Variants in HM13 observed in about 807,000 individuals in gnomAD.
HM13 encodes histocompatibility minor 13, also known as signal peptide peptidase.
Under a neutral mutation model 50.0 loss-of-function variants are expected in HM13, and 18 were observed. The ratio of observed to expected loss-of-function variants is 0.36; its 90% confidence interval spans 0.25 to 0.53. The LOEUF (loss-of-function observed/expected upper bound fraction) is 0.53. Among genes scored for constraint, HM13 ranks in the 20% least tolerant of loss-of-function variants. The pLI is 0.90. For synonymous variants in HM13, 197 were observed against 232.6 expected (o/e 0.85, Z 1.39); for missense variants, 393 against 552.4 (o/e 0.71, Z 2.89).
In HM13 at chr20:31,566,309, G is replaced by A. The variant is rs751071060; in HGVS notation, c.1034+14G>A. The A allele has an allele frequency of 3.1e-6, 5 of 1,605,836 alleles. No individual in the cohort carries two copies. The East Asian group carries it at 1.1e-4, about 36-fold the overall frequency. The stretch of plus-strand genomic sequence containing the variant: ...AGAGATGTTCAGGTAAGGCAGAGTG[G>A]GGGGCAGATGTCCTCATGGGCACCA... On this transcript the variant is annotated intron_variant, in intron 11 of 12. Coordinates refer to ENST00000398174, the MANE Select transcript of HM13 (RefSeq NM_178581.3).
chr20:31,560,685 C>T (rs1183386100), intron 9 of HM13, among the ~76,000 whole-genome samples: 1 of 152,234 alleles, frequency 6.6e-6, no homozygotes, highest in Non-Finnish European at 1.5e-5. Context: ...CTGCCAGCAC[C>T]CTCAGAGACA....
chr20:31,543,398 G>C (rs569735017), intron 3 of HM13, among the ~76,000 whole-genome samples: 1 of 152,232 alleles, frequency 6.6e-6, no homozygotes, highest in South Asian at 2.1e-4. Context: ...CAATTCTCCT[G>C]CCTCAGGCTC....
intron 9 of HM13, 87 bp from the exon 10 acceptor site, chr20:31,561,547 G>GGTCTT (rs1600668247): frequency 2.2e-6 from 2 of 924,854 alleles, no homozygotes; most frequent in Non-Finnish European, 3.6e-6. Flanking sequence ...CAACCTCTAG[G>GGTCTT]GTCTTCCCCA....
chr20:31,548,638 G>A (rs1341743688), intron 4 of HM13: 1 of 273,524 alleles, frequency 3.7e-6, no homozygotes, highest in African/African-American at 2.2e-5. Context: ...TTCCCCCACA[G>A]CAGCCCTAAG....
intron 1 of HM13, among the ~76,000 whole-genome samples, chr20:31,522,285 G>A (rs983114548): frequency 3.3e-5 from 5 of 151,980 alleles, no homozygotes; most frequent in East Asian, 1.9e-4. Flanking sequence ...TCCTCAAGCC[G>A]GGCATGGTGG....
chr20:31,539,924 T>G (rs11699147), intron 3 of HM13: 14,253 of 152,244 alleles, frequency 0.094, 793 homozygotes, highest in East Asian at 0.28. Flanking sequence ...CTGCCAGCTC[T>G]AATATGTGTA....
chr20:31,550,786 TG>T (rs1247478393), intron 7 of HM13, among the ~76,000 whole-genome samples: 7 of 152,178 alleles, frequency 4.6e-5, no homozygotes, highest in African/African-American at 1.4e-4. Flanking sequence ...AAGACCAGCC[TG>T]GGTAACAGCA....
intron 4 of HM13, chr20:31,547,510 A>C: frequency 1.4e-6 from 1 of 731,932 alleles, no homozygotes; most frequent in Non-Finnish European, 2.4e-6. Flanking sequence ...GATCATGTTC[A>C]AGAAGTTTGA....
Position 31,569,001 on chromosome 20 carries a change from A to G in HM13, c.1182-119A>G, listed in dbSNP as rs999768910. On this transcript the variant is annotated intron_variant, in intron 12 of 12. Transcript: ENST00000398174. ...GTGCTGGGCAGTGGACACAGGGCTG[A>G]CGCTCTGCATGTGACCAGGCGCTTT... The G allele has an allele frequency of 2.2e-5, 15 of 673,074 alleles. No individual in the cohort carries two copies. The African/African-American group carries it at 2.4e-4, about 11-fold the overall frequency. 41.7% of individuals were successfully genotyped at this position (673,074 alleles called of 1,614,324 possible). A position where few individuals can be genotyped will look rare whatever the true frequency, so the allele number is the denominator to read the frequency against.
intron 2 of HM13, among the ~76,000 whole-genome samples, chr20:31,529,403 AC>A (rs1335789276): frequency 4.7e-5 from 7 of 150,048 alleles, no homozygotes; most frequent in Non-Finnish European, 8.9e-5. Flanking sequence ...GCACCACCAC[AC>A]CTAGCTAATT....
chr20:31,530,266 C>T (rs1045170442), intron 2 of HM13, among the ~76,000 whole-genome samples: 1 of 152,030 alleles, frequency 6.6e-6, no homozygotes, highest in African/African-American at 2.4e-5. Context: ...AACCATAATC[C>T]TCTCCCCAAT....
intron 5 of HM13, 37 bp downstream of exon 5, chr20:31,549,151 G>T (rs947507005): frequency 1.9e-6 from 3 of 1,613,956 alleles, no homozygotes; most frequent in African/African-American, 1.3e-5. Context: ...GGGAGGATGG[G>T]GTTGACAGGG....
chr20:31,559,517 T>C (rs2122651199), intron 8 of HM13, 94 bp from the exon 9 acceptor site: 8 of 1,232,028 alleles, frequency 6.5e-6, no homozygotes, highest in Non-Finnish European at 8.4e-6. Context: ...TGCTCCAAGA[T>C]GGAACACCAG....
chr20:31,549,302 G>T lies in HM13; in HGVS notation c.636G>T (p.Leu212=). The change falls in exon 6 of 13, where the codon CTG becomes CTT. Residue 212 remains leucine (L), a synonymous_variant. Coordinates refer to ENST00000398174, the MANE Select transcript of HM13 (RefSeq NM_178581.3). ...ATGTCAGCACTGGCTGCATCCTGCT[G>T]GGCGGACTCTTCATCTACGATGTCT... The part of the protein sequence containing the change: ...LNNVSTGCIL[L]GGLFIYDVFW... 1 of 1,614,238 alleles carries T rather than the reference G, an allele frequency of 6.2e-7. No individual in the cohort carries two copies. Among genetic ancestry groups the T allele is most frequent in the Non-Finnish European group, 8.5e-7 (1 of 1,180,040 alleles).
chr20:31,534,121 T>C (rs1227604202), intron 2 of HM13, among the ~76,000 whole-genome samples: 1 of 151,942 alleles, frequency 6.6e-6, no homozygotes, highest in Non-Finnish European at 1.5e-5. Context: ...CATGCAATCC[T>C]CCCGCCTTGG....
At chr20:31,541,218 C>CGA (rs1241717499) in intron 3 of HM13, 1 of 152,114 alleles carries the variant, frequency 6.6e-6, no homozygotes, top group African/African-American at 2.4e-5. Flanking sequence ...TGGTGGTTCA[C>CGA]ACCTGTCATC....
chr20:31,518,107 C>T (rs1351807287), intron 1 of HM13, among the ~76,000 whole-genome samples: 1 of 149,934 alleles, frequency 6.7e-6, no homozygotes, highest in East Asian at 2.0e-4. Context: ...GTGATCTTGG[C>T]TCATTGCAAC....
At chr20:31,566,078 G>A in intron 10 of HM13, 132 bp from the exon 11 acceptor site, 1 of 617,704 alleles carries the variant, frequency 1.6e-6, no homozygotes, top group Non-Finnish European at 2.8e-6. Context: ...TTCAGGCCCA[G>A]CCACTGACTT....
intron 3 of HM13, chr20:31,539,039 C>G (rs1983283597): frequency 1.0e-6 from 1 of 976,406 alleles, no homozygotes; most frequent in African/African-American, 1.7e-5. Context: ...GGATTCAAAC[C>G]CAGGTGTGGC....
Sources: allele counts gnomAD v4.1 joint callset (sites outside exome capture counted in the v4.1 genomes callset), GRCh38; gene constraint gnomAD v4.1.1; transcripts MANE v1.5; gene names NCBI Gene and HGNC (gene_info 2026-07-23, HGNC 2026-07-21).